LY96: variants seen among roughly 807,000 people sequenced by gnomAD.
The protein encoded by LY96 is lymphocyte antigen 96.
A neutral mutation model predicts 18.9 loss-of-function variants in LY96; 18 were observed. The ratio of observed to expected loss-of-function variants is 0.95; its 90% confidence interval spans 0.66 to 1.41. LY96 has a LOEUF of 1.41. Among genes scored for constraint, LY96 ranks in the 40% most tolerant of loss-of-function variants. The pLI is 0.00. For missense variants in LY96, 175 were observed against 182.4 expected (o/e 0.96, Z 0.23); for synonymous variants, 66 against 62.6 (o/e 1.06, Z -0.26).
At chr8:74,039,978 C>G in the LY96 span, among the ~76,000 whole-genome samples, 6 of 152,278 alleles carry the variant, frequency 3.9e-5, no homozygotes, top group African/African-American at 1.2e-4. Flanking sequence ...CTTTTGCAGT[C>G]TGCTAAGTAA....
downstream of LY96, among the ~76,000 whole-genome samples, chr8:74,033,346 T>C (rs1817000887): frequency 6.6e-6 from 1 of 151,928 alleles, no homozygotes; most frequent in Non-Finnish European, 1.5e-5. Flanking sequence ...GATTGGAAAA[T>C]ATAAGAAAAA....
chr8:74,016,264 C>T (rs1040682542), intron 3 of LY96, among the ~76,000 whole-genome samples: 3 of 152,218 alleles, frequency 2.0e-5, no homozygotes, highest in African/African-American at 7.2e-5. Context: ...TCACTGCTAG[C>T]ACAGCAGTCC....
intron 1 of LY96, among the ~76,000 whole-genome samples, chr8:73,995,728 A>AT (rs11409980): frequency 0.19 from 27,794 of 149,900 alleles, 3,069 homozygotes; most frequent in African/African-American, 0.31. Flanking sequence ...TCTAATCTTT[A>AT]TTTTTTTTTT....
chr8:74,003,268 G>A (rs142867579), intron 1 of LY96, among the ~76,000 whole-genome samples: 304 of 152,258 alleles, frequency 2.0e-3, no homozygotes, highest in African/African-American at 6.9e-3. Context: ...AGACCCAGCA[G>A]ACTTAACATC....
the LY96 span, among the ~76,000 whole-genome samples, chr8:74,081,116 T>TC: frequency 2.8e-5 from 4 of 143,602 alleles, no homozygotes; most frequent in African/African-American, 5.4e-5. Context: ...TTTCTTTCTT[T>TC]CTTTCTTTCC....
intron 3 of LY96, among the ~76,000 whole-genome samples, chr8:74,014,084 G>A (rs1318747428): frequency 6.7e-6 from 1 of 150,254 alleles, no homozygotes; most frequent in Non-Finnish European, 1.5e-5. Context: ...ATGAAAGAGA[G>A]ATTTTTGGGA....
intron 1 of LY96, among the ~76,000 whole-genome samples, chr8:73,992,514 GTTGT>G (rs933892163): frequency 6.6e-6 from 1 of 152,156 alleles, no homozygotes; most frequent in Non-Finnish European, 1.5e-5. Flanking sequence ...AATTTCATTT[GTTGT>G]TTGTTTGTTT....
chr8:74,016,436 T>C lies in LY96; in HGVS notation c.331+6307T>C, dbSNP rs574659765. On this transcript the variant is annotated intron_variant, in intron 3 of 4. Coordinates refer to ENST00000284818, the MANE Select transcript of LY96 (RefSeq NM_015364.5). ...GTAGACTCCACCTCTGGGGGCAGGG[T>C]ATAGCTGAACAAAAGGCAGCAGAAA... 7.3e-4 allele frequency among the ~76,000 whole-genome samples: 111 copies of C among 152,230 alleles called. 1 individual carries two copies. The highest frequency in any genetic ancestry group is 3.5e-4 in the Non-Finnish European group (24 of 67,996).
At chr8:74,082,552 A>T in the LY96 span, among the ~76,000 whole-genome samples, 1 of 152,166 alleles carries the variant, frequency 6.6e-6, no homozygotes, top group East Asian at 1.9e-4. Flanking sequence ...AAAACCCCAA[A>T]CACCTGCAGG....
chr8:74,011,988 G>A (rs1816542859), intron 3 of LY96, among the ~76,000 whole-genome samples: 1 of 151,842 alleles, frequency 6.6e-6, no homozygotes, highest in Non-Finnish European at 1.5e-5. Context: ...AAGTTGCAAT[G>A]AGATATCATC....
the LY96 span, among the ~76,000 whole-genome samples, chr8:74,054,628 C>CTTTCT: frequency 9.8e-6 from 1 of 102,294 alleles, no homozygotes; most frequent in South Asian, 4.5e-4. Context: ...TTCTTTCTTT[C>CTTTCT]TTTCTTTCTT....
Position 74,002,089 on chromosome 8 carries a change from T to TCTC in LY96, c.113-2707_113-2706insCTC, listed in dbSNP as rs1816304783. 1.2e-4 allele frequency among the ~76,000 whole-genome samples: 3 copies of TCTC among 25,040 alleles called. 1 individual carries two copies. Among genetic ancestry groups the TCTC allele is most frequent in the African/African-American group, 2.1e-4 (1 of 4,782 alleles). The allele number at this position is 25,040 out of a possible 152,430, so 16.4% of individuals were successfully genotyped here. Reference sequence around the variant, plus strand: ...TTCCTTCCTTCCTTTCTTTCTTTCTTTCTTTCTCTCTCTCTCTCTCTCTCT... The same window carrying TCTC: ...TTCCTTCCTTCCTTTCTTTCTTTCTTCTCTCTTTCTCTCTCTCTCTCTCTCTCT... On this transcript the variant is annotated intron_variant, in intron 1 of 4. Coordinates refer to ENST00000284818, the MANE Select transcript of LY96 (RefSeq NM_015364.5).
chr8:74,010,144 C>A lies in LY96; in HGVS notation c.331+15C>A, dbSNP rs368426773. The A allele has an allele frequency of 5.0e-6, 8 of 1,604,906 alleles. No individual in the cohort carries two copies. Among genetic ancestry groups the A allele is most frequent in the South Asian group, 1.1e-5 (1 of 90,648 alleles). On this transcript the variant is annotated intron_variant, in intron 3 of 4. Transcript: ENST00000284818. ...TCTGAAGGGAGGTAAGTATTCAGTT[C>A]ATATTACTTTTAGAATAGGAAATAA...
intron 3 of LY96, among the ~76,000 whole-genome samples, chr8:74,017,957 G>T (rs1003707641): frequency 1.3e-5 from 2 of 152,200 alleles, no homozygotes; most frequent in Non-Finnish European, 2.9e-5. Context: ...ATGCCAAATT[G>T]TAGCGACTAT....
At chr8:74,003,567 G>A (rs1052533776) in intron 1 of LY96, among the ~76,000 whole-genome samples, 2 of 152,226 alleles carry the variant, frequency 1.3e-5, no homozygotes, top group Admixed American at 1.3e-4. Flanking sequence ...GGCTTCTCAC[G>A]ACCTTCGCTG....
chr8:74,085,176 G>A, the LY96 span, among the ~76,000 whole-genome samples: 1 of 152,206 alleles, frequency 6.6e-6, no homozygotes, highest in Admixed American at 6.5e-5. Context: ...CAACAACCCT[G>A]TGAGTAAGAT....
intron 3 of LY96, among the ~76,000 whole-genome samples, chr8:74,010,378 G>T (rs1348329497): frequency 6.6e-6 from 1 of 151,746 alleles, no homozygotes; most frequent in Non-Finnish European, 1.5e-5. Context: ...ACAGTCCTTG[G>T]TTTCTTTAGT....
chr8:74,043,385 T>G, the LY96 span, among the ~76,000 whole-genome samples: 1 of 152,150 alleles, frequency 6.6e-6, no homozygotes, highest in Non-Finnish European at 1.5e-5. Flanking sequence ...CTGTAGGGCT[T>G]TATTCAGGGC....
chr8:74,058,394 T>C, the LY96 span, among the ~76,000 whole-genome samples: 1 of 152,204 alleles, frequency 6.6e-6, no homozygotes, highest in Non-Finnish European at 1.5e-5. Context: ...GAAAATATCA[T>C]CCACTGCAAA....
Sources: allele counts gnomAD v4.1 joint callset (sites outside exome capture counted in the v4.1 genomes callset), GRCh38; gene constraint gnomAD v4.1.1; transcripts MANE v1.5; gene names NCBI Gene and HGNC (gene_info 2026-07-23, HGNC 2026-07-21).